The following MSTO1 variants were observed in gnomAD, a reference collection of about 807,000 sequenced individuals.
MSTO1 encodes the protein protein misato homolog 1.
In MSTO1, 24 loss-of-function variants were observed where a neutral mutation model predicts 55.7. The observed-to-expected ratio is 0.43, with a 90% CI of 0.31 to 0.61. The LOEUF (loss-of-function observed/expected upper bound fraction) is 0.61, where lower values mean the gene tolerates loss of function less well. Ranked by LOEUF, MSTO1 falls within the 20% of genes least tolerant of loss-of-function variation. The pLI is 0.09. For missense variants in MSTO1, 363 were observed against 625.7 expected, an observed-to-expected ratio of 0.58 and a Z score of 4.48; for synonymous variants, 162 against 252.8, an observed-to-expected ratio of 0.64 and a Z score of 3.41.
At position 155,613,233 on chromosome 1, in the gene MSTO1, G is replaced by A; in HGVS notation, c.1283G>A (p.Ser428Asn). Residue 428 changes from serine to asparagine, a missense_variant and splice_region_variant, in exon 11 of 14, where the codon AGC (serine) becomes AAC (asparagine). By Grantham distance (46) the Ser-to-Asn change is conservative. Coordinates refer to ENST00000245564, the MANE Select transcript of MSTO1 (RefSeq NM_018116.4). ...LRGIDRACHT[S>N]QLTPGTPPPS... The stretch of plus-strand genomic sequence containing the variant: ...GGTATAGACAGAGCATGCCACACAA[G>A]GTGAGAGCTGTTGGTCCTTAGGAGT... 1 of 1,612,674 alleles carries A rather than the reference G, an allele frequency of 6.2e-7. No homozygotes were observed. Among genetic ancestry groups the A allele is most frequent in the Non-Finnish European group, 8.5e-7 (1 of 1,179,006 alleles).
upstream of MSTO1, among the ~76,000 whole-genome samples, chr1:155,608,577 G>A (rs1673054238): frequency 7.2e-6 from 1 of 139,496 alleles, no homozygotes; most frequent in Middle Eastern, 4.0e-3. Flanking sequence ...TCGGCTCACC[G>A]CAAGCTCCGC....
chr1:155,602,206 T>C, the MSTO1 span: 6 of 651,858 alleles, frequency 9.2e-6, no homozygotes, highest in South Asian at 1.4e-5. Flanking sequence ...TGGCCGGGCT[T>C]TGTGGCTCAC....
chr1:155,594,458 A>G, the MSTO1 span, among the ~76,000 whole-genome samples: 1 of 152,182 alleles, frequency 6.6e-6, no homozygotes, highest in Non-Finnish European at 1.5e-5. Flanking sequence ...TTGAAGTAGA[A>G]TGAGCAGAAG....
chr1:155,587,212 C>T, the MSTO1 span, among the ~76,000 whole-genome samples: 5 of 151,926 alleles, frequency 3.3e-5, no homozygotes, highest in East Asian at 1.9e-4. Flanking sequence ...GAGGGTGAGG[C>T]GGGAGGATCA....
At chr1:155,592,635 C>T in the MSTO1 span, among the ~76,000 whole-genome samples, 2 of 151,870 alleles carry the variant, frequency 1.3e-5, no homozygotes. Context: ...CTCACTCCAA[C>T]CTGTGGCTCC....
chr1:155,563,274 G>C, the MSTO1 span: 1 of 456,242 alleles, frequency 2.2e-6, no homozygotes, highest in Non-Finnish European at 4.4e-6. Context: ...CTGTGGAGCT[G>C]GTCGCAGGCG....
At chr1:155,594,627 C>CT in the MSTO1 span, among the ~76,000 whole-genome samples, 177 of 146,792 alleles carry the variant, frequency 1.2e-3, no homozygotes, top group Non-Finnish European at 1.8e-3. Context: ...TTCTCTCTCT[C>CT]TTTTTTTTTT....
chr1:155,585,322 T>G, the MSTO1 span, among the ~76,000 whole-genome samples: 29 of 152,156 alleles, frequency 1.9e-4, no homozygotes, highest in South Asian at 2.3e-3. Context: ...AGGAGATCGA[T>G]ACCATCCTTG....
chr1:155,578,279 G>A, the MSTO1 span, among the ~76,000 whole-genome samples: 1 of 145,620 alleles, frequency 6.9e-6, no homozygotes, highest in Non-Finnish European at 1.5e-5. Context: ...AATTGCTTTA[G>A]GAAACTGAAA....
chr1:155,602,149 G>A, the MSTO1 span: 2 of 709,840 alleles, frequency 2.8e-6, no homozygotes, highest in Non-Finnish European at 5.4e-6. Flanking sequence ...AACCTTTAGA[G>A]GTTTCAACCT....
the MSTO1 span, among the ~76,000 whole-genome samples, chr1:155,564,724 A>G: frequency 1.3e-5 from 2 of 152,332 alleles, no homozygotes; most frequent in South Asian, 2.1e-4. Flanking sequence ...CATGCGTGCA[A>G]GTGTATTATG....
At chr1:155,608,972 C>CG (rs1417909626), upstream of MSTO1, among the ~76,000 whole-genome samples, 1 of 150,306 alleles carries the variant, frequency 6.7e-6, no homozygotes, top group East Asian at 2.0e-4. Flanking sequence ...TACAAGGGCC[C>CG]GCCACCACGC....
At chr1:155,583,391 G>A in the MSTO1 span, among the ~76,000 whole-genome samples, 1 of 151,620 alleles carries the variant, frequency 6.6e-6, no homozygotes, top group African/African-American at 2.4e-5. Flanking sequence ...ATAAAATATA[G>A]CCACGAGGTG....
chr1:155,569,324 A>T, the MSTO1 span, among the ~76,000 whole-genome samples: 1 of 149,826 alleles, frequency 6.7e-6, no homozygotes, highest in East Asian at 2.0e-4. Flanking sequence ...TTTAGTGGAG[A>T]CAGGGTTTCA....
chr1:155,587,905 A>G, the MSTO1 span, among the ~76,000 whole-genome samples: 2 of 151,968 alleles, frequency 1.3e-5, no homozygotes, highest in Non-Finnish European at 2.9e-5. Context: ...TGAAGTATCG[A>G]AAATAACAAC....
At chr1:155,605,599 C>T (rs1013634842), upstream of MSTO1, among the ~76,000 whole-genome samples, 11 of 152,112 alleles carry the variant, frequency 7.2e-5, no homozygotes, top group Admixed American at 7.2e-4. Flanking sequence ...TCCTGGAGTT[C>T]GTGACCAGCT....
chr1:155,613,252 T>A lies in MSTO1; in HGVS notation c.1283+19T>A, dbSNP rs377350331. ...ACACAAGGTGAGAGCTGTTGGTCCT[T>A]AGGAGTCCTTGTCAGATTTTTGTCT... On this transcript the variant is annotated intron_variant, in intron 11 of 13. Transcript: ENST00000245564. 1.0e-5 allele frequency: 16 copies of A among 1,606,300 alleles called. No homozygotes were observed. Among genetic ancestry groups the A allele is most frequent in the Non-Finnish European group, 1.4e-5 (16 of 1,174,728 alleles).
chr1:155,565,295 C>CAAAAA, the MSTO1 span, among the ~76,000 whole-genome samples: 1 of 53,576 alleles, frequency 1.9e-5, no homozygotes, highest in African/African-American at 6.9e-5. Flanking sequence ...AACTCCTTCT[C>CAAAAA]AAAAAAAAAA....
chr1:155,589,510 G>A, the MSTO1 span, among the ~76,000 whole-genome samples: 4 of 152,080 alleles, frequency 2.6e-5, no homozygotes, highest in East Asian at 3.9e-4. Context: ...ACCATCTGGC[G>A]AAGTCCCACA....
Sources: gnomAD v4.1 joint callset for allele counts (sites outside exome capture counted in the v4.1 genomes callset) on GRCh38, gnomAD v4.1.1 for gene constraint, MANE v1.5 for transcripts, NCBI Gene and HGNC (gene_info 2026-07-23, HGNC 2026-07-21) for gene names.